Variants in WWOX observed in about 807,000 individuals in gnomAD.
WWOX encodes the protein WW domain-containing oxidoreductase.
A neutral mutation model predicts 46.2 loss-of-function variants in WWOX; 69 were observed. The ratio of observed to expected loss-of-function variants is 1.49; its 90% CI spans 1.23 to 1.82. The LOEUF (loss-of-function observed/expected upper bound fraction) is 1.82. Ranked by LOEUF, WWOX falls within the 40% of genes most tolerant of loss-of-function variation. The probability of loss-of-function intolerance (pLI) is 0.00; values close to 1 mark genes in which losing one functional copy is unlikely to be tolerated. For synonymous variants in WWOX, 359 were observed against 202.6 expected (o/e 1.77, Z -6.56); for missense variants, 919 against 542.6 (o/e 1.69, Z -6.89).
At chr16:78,554,803 A>G (rs757921174) in intron 8 of WWOX, among the ~76,000 whole-genome samples, 2 of 152,192 alleles carry the variant, frequency 1.3e-5, no homozygotes, top group Non-Finnish European at 2.9e-5. Context: ...TCAGAAGCCC[A>G]CTGCCCACCC....
chr16:78,800,454 C>T (rs758083873), intron 8 of WWOX, among the ~76,000 whole-genome samples: 10 of 152,154 alleles, frequency 6.6e-5, no homozygotes, highest in Non-Finnish European at 1.5e-4. Context: ...ATGAAAATGG[C>T]CCCAAATAAA....
intron 8 of WWOX, among the ~76,000 whole-genome samples, chr16:79,131,449 T>A (rs1476122459): frequency 3.9e-5 from 6 of 152,140 alleles, no homozygotes; most frequent in Non-Finnish European, 1.5e-5. Context: ...GGAAATTAGA[T>A]CTATCACATA....
chr16:78,517,493 T>G (rs2043260248), intron 8 of WWOX, among the ~76,000 whole-genome samples: 2 of 152,330 alleles, frequency 1.3e-5, no homozygotes, highest in East Asian at 1.9e-4. Context: ...GTGATATCAT[T>G]ATGGCATCCT....
chr16:78,369,754 G>A (rs1051000862), intron 5 of WWOX, among the ~76,000 whole-genome samples: 15 of 151,924 alleles, frequency 9.9e-5, no homozygotes, highest in African/African-American at 3.6e-4. Context: ...CAACAAATAC[G>A]TTGCTTGTGG....
intron 8 of WWOX, among the ~76,000 whole-genome samples, chr16:78,631,315 A>G (rs1270773342): frequency 1.3e-5 from 2 of 152,108 alleles, no homozygotes; most frequent in Non-Finnish European, 1.5e-5. Flanking sequence ...CCACATCAGA[A>G]TATTTCTGCT....
chr16:78,148,887 G>C (rs1172502119), intron 4 of WWOX, among the ~76,000 whole-genome samples: 1 of 89,632 alleles, frequency 1.1e-5, no homozygotes, highest in East Asian at 3.7e-4. Context: ...GACAGAGCAA[G>C]ACTCCGTCTC....
intron 8 of WWOX, among the ~76,000 whole-genome samples, chr16:78,969,859 G>T (rs757577016): frequency 6.6e-6 from 1 of 152,144 alleles, no homozygotes; most frequent in Non-Finnish European, 1.5e-5. Flanking sequence ...GTGGATGGAG[G>T]CATTTGGGAT....
intron 8 of WWOX, among the ~76,000 whole-genome samples, chr16:78,704,543 A>G (rs1192339650): frequency 2.6e-5 from 4 of 152,174 alleles, no homozygotes; most frequent in Non-Finnish European, 4.4e-5. Context: ...GCAGCTCTCC[A>G]TACAGTTTAC....
Position 78,770,075 on chromosome 16 carries a change from G to T in WWOX, c.1056+337323G>T, listed in dbSNP as rs147832151. On this transcript the variant is annotated intron_variant, in intron 8 of 8. Transcript: ENST00000566780. ...AAATAAAATAAAAAAGAGTAGGTCG[G>T]GCATGGTGGGTCATGCATGTAATCC... Among the ~76,000 whole-genome samples, 550 of 151,672 alleles carry T rather than the reference G, an allele frequency of 3.6e-3. 5 individuals are homozygous for T. Among genetic ancestry groups the T allele is most frequent in the South Asian group, 0.017 (82 of 4,770 alleles).
intron 4 of WWOX, among the ~76,000 whole-genome samples, chr16:78,163,222 C>A (rs908708448): frequency 3.9e-5 from 6 of 152,088 alleles, no homozygotes; most frequent in Non-Finnish European, 8.8e-5. Context: ...ATAATGGTAT[C>A]TTCCTCCAGA....
intron 8 of WWOX, among the ~76,000 whole-genome samples, chr16:78,870,076 C>T (rs911322110): frequency 6.6e-6 from 1 of 152,188 alleles, no homozygotes; most frequent in Non-Finnish European, 1.5e-5. Flanking sequence ...AAGTATTGGT[C>T]TGTCACCTGT....
chr16:79,179,271 A>G (rs908484131), intron 8 of WWOX, among the ~76,000 whole-genome samples: 1 of 152,222 alleles, frequency 6.6e-6, no homozygotes, highest in Non-Finnish European at 1.5e-5. Context: ...AGGGTGGTGA[A>G]TGAACATAAA....
At chr16:78,757,225 T>C (rs2049673422) in intron 8 of WWOX, among the ~76,000 whole-genome samples, 1 of 152,196 alleles carries the variant, frequency 6.6e-6, no homozygotes, top group African/African-American at 2.4e-5. Context: ...TTGGGATAAT[T>C]TGTTATACAA....
At chr16:78,971,723 G>A (rs548559913) in intron 8 of WWOX, among the ~76,000 whole-genome samples, 5 of 97,344 alleles carry the variant, frequency 5.1e-5, no homozygotes, top group Admixed American at 2.3e-4. Flanking sequence ...CCCCCACCCC[G>A]ATCCCCACCC....
chr16:78,105,336 C>T (rs1457002919), intron 1 of WWOX, among the ~76,000 whole-genome samples: 2 of 152,078 alleles, frequency 1.3e-5, no homozygotes, highest in African/African-American at 4.8e-5. Flanking sequence ...GTGGCAGGTG[C>T]CTGTAATCCT....
rs534845431 is a variant in WWOX, at chr16:78,829,184, A to G, written c.1057-382424A>G. Among the ~76,000 whole-genome samples, 4 of 152,294 alleles carry G rather than the reference A, an allele frequency of 2.6e-5. No homozygotes were observed. In the East Asian group the frequency reaches 7.7e-4, roughly 29 times the overall value. ...GATAGCTAGACAGATGGACAGATAG[A>G]GATTTTTAGGAACTGGCGAATTGGC... On this transcript the variant is annotated intron_variant, in intron 8 of 8. Transcript: ENST00000566780.
chr16:79,207,080 A>G (rs1242300321), intron 8 of WWOX, among the ~76,000 whole-genome samples: 1 of 152,158 alleles, frequency 6.6e-6, no homozygotes. Context: ...GGGGAGTGTT[A>G]CTGGGAGACA....
At chr16:78,497,714 C>G (rs550182968) in intron 8 of WWOX, among the ~76,000 whole-genome samples, 6 of 152,238 alleles carry the variant, frequency 3.9e-5, no homozygotes, top group African/African-American at 1.4e-4. Context: ...ATTGGATTTC[C>G]AAAATGTGGA....
intron 8 of WWOX, among the ~76,000 whole-genome samples, chr16:78,654,750 A>G (rs1272249286): frequency 6.6e-6 from 1 of 151,930 alleles, no homozygotes; most frequent in Non-Finnish European, 1.5e-5. Context: ...AACCTTTCTT[A>G]ACCTACATCC....
Sources: allele counts gnomAD v4.1 joint callset (sites outside exome capture counted in the v4.1 genomes callset), GRCh38; gene constraint gnomAD v4.1.1; transcripts MANE v1.5; gene names NCBI Gene and HGNC (gene_info 2026-07-23, HGNC 2026-07-21).